The following LRRC37B variants were observed in gnomAD, a reference collection of about 807,000 sequenced individuals.
LRRC37B encodes the protein leucine-rich repeat-containing protein 37B.
Under a neutral mutation model 98.3 loss-of-function variants are expected in LRRC37B, and 28 were observed. The ratio of observed to expected loss-of-function variants is 0.28; its 90% confidence interval spans 0.21 to 0.39. The LOEUF is 0.39. Ranked by LOEUF, LRRC37B falls within the 10% of genes least tolerant of loss-of-function variation. The probability of loss-of-function intolerance (pLI) is 1.00; values close to 1 mark genes in which losing one functional copy is unlikely to be tolerated. For synonymous variants in LRRC37B, 364 were observed against 442.7 expected, an observed-to-expected ratio of 0.82 and a Z score of 2.23; for missense variants, 938 against 1,182.7, an observed-to-expected ratio of 0.79 and a Z score of 3.03.
intron 1 of LRRC37B, among the ~76,000 whole-genome samples, chr17:32,008,825 A>T (rs958368107): frequency 6.6e-6 from 1 of 152,352 alleles, no homozygotes; most frequent in Middle Eastern, 3.4e-3. Flanking sequence ...ACAAGATCCA[A>T]CCAAATTTGG....
chr17:32,041,856 A>G, intron 7 of LRRC37B: 1 of 458,510 alleles, frequency 2.2e-6, no homozygotes, highest in Non-Finnish European at 4.4e-6. Flanking sequence ...AGAAACACTA[A>G]TGTTCCTCCA....
chr17:32,007,763 G>C, upstream of LRRC37B: 1 of 1,192,650 alleles, frequency 8.4e-7, no homozygotes. The surrounding 1 kb of genome is among the most constrained non-coding windows in gnomAD (Gnocchi z 4.1). Flanking sequence ...GCAGCCGCCA[G>C]GCTGAGGTGG....
At chr17:32,017,028 T>C (rs760897635), upstream of LRRC37B, 15 of 152,224 alleles carry the variant, frequency 9.9e-5, no homozygotes, top group Non-Finnish European at 1.9e-4. Context: ...TATCAGGTTA[T>C]AGGGAAGGAG....
At chr17:32,036,281 C>T (rs1034329020) in intron 7 of LRRC37B, 4 of 152,262 alleles carry the variant, frequency 2.6e-5, no homozygotes, top group Non-Finnish European at 5.9e-5. Context: ...GTGTGAGCCA[C>T]CTCGCCCGGC....
chr17:32,041,004 G>A (rs774751025), intron 7 of LRRC37B: 11 of 797,638 alleles, frequency 1.4e-5, no homozygotes, highest in Non-Finnish European at 2.5e-5. Flanking sequence ...GGACTCCAAG[G>A]AGGTAGCAGA....
exon 1 of LRRC37B, chr17:32,022,423 C>G (rs1248653822): frequency 1.9e-6 from 3 of 1,612,798 alleles, no homozygotes; most frequent in Non-Finnish European, 2.5e-6. Context: ...CTTAGCATAA[C>G]TACAGAGCCT....
upstream of LRRC37B, among the ~76,000 whole-genome samples, chr17:32,007,422 G>A (rs1910430901): frequency 6.6e-6 from 1 of 152,166 alleles, no homozygotes; most frequent in Non-Finnish European, 1.5e-5. The surrounding 1 kb of genome is among the most constrained non-coding windows in gnomAD (Gnocchi z 4.1). Context: ...GGTGGCGGTT[G>A]AAGGCGATCT....
Position 32,049,962 on chromosome 17 carries a change from T to A in LRRC37B, c.2758-41T>A, listed in dbSNP as rs568405465. On this transcript the variant is annotated intron_variant, in intron 10 of 11. Coordinates refer to ENST00000327564, the Ensembl canonical transcript of LRRC37B. ...CTTCCATTCTCTCTCTCTTTTTTTT[T>A]AATTGTTCTTTCTTTTTTCTTTTTT... 1.4e-4 allele frequency: 177 copies of A among 1,238,842 alleles called. 2 individuals carry two copies. The African/African-American group carries it at 1.7e-3, about 12-fold the overall frequency. The allele number at this position is 1,238,842 out of a possible 1,614,324, so 76.7% of individuals were successfully genotyped here.
Position 32,050,007 on chromosome 17 carries a change from T to C in LRRC37B, c.2762T>C (p.Met921Thr), listed in dbSNP as rs537625211. The C allele has an allele frequency of 1.1e-5, 16 of 1,477,248 alleles. No homozygotes were observed. In the South Asian group the frequency reaches 2.0e-4, roughly 18 times the overall value. The allele number at this position is 1,477,248 out of a possible 1,614,324, so 91.5% of individuals were successfully genotyped here. ...TTTTTTTTTTCTTTTTTTTAGCTCA[T>C]GAAAGAAGTTCCAGGAGATGACTAT... Residue 921 changes from methionine (M) to threonine (T), a missense_variant, in exon 11 of 12, where the codon ATG becomes ACG. Physicochemically the swap from Met to Thr is moderately conservative, Grantham distance 81. This residue lies in a region of LRRC37B where 328 missense variants were observed against 557.0 expected (regional missense o/e 0.59). Coordinates refer to ENST00000327564, the Ensembl canonical transcript of LRRC37B.
exon 1 of LRRC37B, chr17:32,022,013 A>G: frequency 1.9e-6 from 3 of 1,614,022 alleles, no homozygotes; most frequent in Non-Finnish European, 2.5e-6. Flanking sequence ...CGCAGCTTCT[A>G]CAGCTCCCTC....
upstream of LRRC37B, among the ~76,000 whole-genome samples, chr17:32,018,929 C>G (rs1339498517): frequency 6.6e-6 from 1 of 151,944 alleles, no homozygotes; most frequent in African/African-American, 2.4e-5. Flanking sequence ...CCATTTTTAT[C>G]TTTGTTGTTG....
exon 12 of LRRC37B, chr17:32,053,466 AAAAAT>A (rs201820355): frequency 1.5e-3 from 989 of 654,520 alleles, no homozygotes; most frequent in African/African-American, 9.8e-3. Flanking sequence ...TAACAATAAT[AAAAAT>A]AAAGCTTGTT....
intron 3 of LRRC37B, 152 bp from the exon 7 acceptor site, chr17:32,030,504 G>T (rs1598207202): frequency 1.8e-6 from 1 of 549,302 alleles, no homozygotes; most frequent in East Asian, 3.5e-5. Flanking sequence ...TACAGGCAGG[G>T]TTAGGAGCTC....
At chr17:32,033,465 A>T (rs1911164307) in intron 5 of LRRC37B, among the ~76,000 whole-genome samples, 1 of 152,220 alleles carries the variant, frequency 6.6e-6, no homozygotes, top group African/African-American at 2.4e-5. Flanking sequence ...TTTTCTTCAT[A>T]CAGAGTAAGC....
At chr17:32,025,030 GTTTTTTTTTTT>G (rs772444987) in intron 2 of LRRC37B, among the ~76,000 whole-genome samples, 1 of 69,924 alleles carries the variant, frequency 1.4e-5, no homozygotes, top group Non-Finnish European at 2.6e-5. Context: ...TTTTTTCCTC[GTTTTTTTTTTT>G]TTTTTTTTTT....
rs1297131031 is a variant in LRRC37B at position 32,047,911 on chromosome 17, T to G, written c.2464+10T>G. 3.1e-6 allele frequency: 5 copies of G among 1,614,020 alleles called. No homozygotes were observed. The highest frequency in any genetic ancestry group is 4.2e-6 in the Non-Finnish European group (5 of 1,180,002). ...TTGTCAGGCTTTGGGGGTGAGCAGC[T>G]AGACACCAATGACGAGAGTGATGTT... On this transcript the variant is annotated intron_variant, in intron 9 of 11. Coordinates refer to ENST00000327564, the Ensembl canonical transcript of LRRC37B.
At chr17:32,040,373 T>C (rs1911389019) in intron 7 of LRRC37B, 2 of 441,256 alleles carry the variant, frequency 4.5e-6, no homozygotes, top group South Asian at 3.8e-5. Context: ...GTGCAGAGGG[T>C]CACGCACCTG....
chr17:32,019,816 C>T (rs1248124827), upstream of LRRC37B, among the ~76,000 whole-genome samples: 3 of 152,258 alleles, frequency 2.0e-5, no homozygotes, highest in South Asian at 4.1e-4. Flanking sequence ...ACAATAGATC[C>T]ATCCCTAAAT....
chr17:32,021,896 G>T (rs747161642), exon 1 of LRRC37B: 9 of 1,613,972 alleles, frequency 5.6e-6, no homozygotes, highest in Non-Finnish European at 7.6e-6. Flanking sequence ...AGCCTCCAGG[G>T]CCTCCTGAGC....
Sources: gnomAD v4.1 joint callset for allele counts (sites outside exome capture counted in the v4.1 genomes callset) on GRCh38, gnomAD v4.1.1 for gene constraint, gnomAD v4.1.1 regional missense constraint, Gnocchi (gnomAD v3.1) non-coding constraint, MANE v1.5 for transcripts, NCBI Gene and HGNC (gene_info 2026-07-23, HGNC 2026-07-21) for gene names.